PARP11: variants seen among roughly 807,000 people sequenced by gnomAD.
PARP11 encodes protein mono-ADP-ribosyltransferase PARP11.
In PARP11, 31 loss-of-function variants were observed where a neutral mutation model predicts 42.9. That is an observed-to-expected ratio of 0.72 (90% CI 0.54 to 0.98). PARP11 has a LOEUF of 0.98. Ranked by LOEUF, PARP11 falls within the 50% of genes least tolerant of loss-of-function variation. The pLI is 0.00. For missense variants in PARP11, 365 were observed against 413.1 expected, an observed-to-expected ratio of 0.88 and a Z score of 1.01; for synonymous variants, 137 against 127.3, an observed-to-expected ratio of 1.08 and a Z score of -0.51.
At chr12:3,815,603 G>C (rs917046441) in intron 6 of PARP11, among the ~76,000 whole-genome samples, 15 of 152,082 alleles carry the variant, frequency 9.9e-5, no homozygotes, top group African/African-American at 3.6e-4. Context: ...GCATGAAATA[G>C]CAACAGTCCA....
At chr12:3,829,231 C>T (rs532717692) in intron 2 of PARP11, among the ~76,000 whole-genome samples, 18 of 152,280 alleles carry the variant, frequency 1.2e-4, no homozygotes, top group Admixed American at 7.2e-4. Flanking sequence ...AGTGAAGAGA[C>T]AACTGGTTAT....
intron 1 of PARP11, among the ~76,000 whole-genome samples, chr12:3,865,126 A>G (rs187215577): frequency 2.6e-5 from 4 of 152,128 alleles, no homozygotes; most frequent in African/African-American, 7.2e-5. Context: ...GTTACCTTAA[A>G]GTGTTATTTA....
chr12:3,850,789 G>A (rs1948083336), intron 1 of PARP11, among the ~76,000 whole-genome samples: 1 of 152,202 alleles, frequency 6.6e-6, no homozygotes, highest in African/African-American at 2.4e-5. Context: ...AGCTGTTATA[G>A]CAACTGGACA....
chr12:3,873,163 C>T, intron 1 of PARP11, 49 bp downstream of exon 1: 1 of 1,438,862 alleles, frequency 6.9e-7, no homozygotes, highest in African/African-American at 1.4e-5. Flanking sequence ...CCGCCCCTCT[C>T]TCATCAACCC....
intron 1 of PARP11, among the ~76,000 whole-genome samples, chr12:3,843,593 T>C (rs754430679): frequency 5.3e-5 from 8 of 152,234 alleles, no homozygotes; most frequent in Non-Finnish European, 1.0e-4. Flanking sequence ...TAGAGGATGC[T>C]GCTAGAAAAT....
intron 3 of PARP11, among the ~76,000 whole-genome samples, chr12:3,828,373 G>A (rs529714485): frequency 4.0e-5 from 6 of 151,718 alleles, no homozygotes; most frequent in African/African-American, 1.2e-4. Flanking sequence ...ATGATGAAAC[G>A]CTGTCTCTAC....
intron 1 of PARP11, among the ~76,000 whole-genome samples, chr12:3,857,276 T>C (rs979905199): frequency 6.6e-6 from 1 of 151,810 alleles, no homozygotes; most frequent in Non-Finnish European, 1.5e-5. Flanking sequence ...TAAAGTATAA[T>C]AATAATAATA....
At chr12:3,866,493 T>C (rs955023584) in intron 1 of PARP11, among the ~76,000 whole-genome samples, 2 of 152,180 alleles carry the variant, frequency 1.3e-5, no homozygotes, top group South Asian at 2.1e-4. Flanking sequence ...TTTTGAAAAG[T>C]TGAAATGTAA....
intron 3 of PARP11, among the ~76,000 whole-genome samples, chr12:3,827,762 G>A (rs908770290): frequency 6.6e-6 from 1 of 152,072 alleles, no homozygotes; most frequent in African/African-American, 2.4e-5. Flanking sequence ...CACTGTTTCT[G>A]GGCCTTGGTT....
At chr12:3,819,735 C>T (rs780317526) in intron 6 of PARP11, among the ~76,000 whole-genome samples, 1 of 152,190 alleles carries the variant, frequency 6.6e-6, no homozygotes, top group African/African-American at 2.4e-5. Context: ...GTCTAGCCCC[C>T]GCTAACTCTC....
intron 1 of PARP11, chr12:3,872,866 C>T (rs1948516012): frequency 1.1e-6 from 1 of 929,558 alleles, no homozygotes; most frequent in African/African-American, 1.8e-5. Flanking sequence ...ACGGAGGTTG[C>T]GGTGGGCCGA....
In PARP11 at chr12:3,841,358, TG is replaced by T. The variant is rs1947886222; in HGVS notation, c.19-11341del. ...CTGTACCCTCTGCACCAGGCCTACC[TG>T]GCAGCCTGCAGGATGTACCCAAAGG... On this transcript the variant is annotated intron_variant, in intron 1 of 7. Coordinates refer to ENST00000228820, the MANE Select transcript of PARP11 (RefSeq NM_020367.6). The T allele has an allele frequency of 2.3e-6, 3 of 1,292,974 alleles. No homozygotes were observed. In the South Asian group the frequency reaches 3.6e-5, roughly 15 times the overall value. 80.1% of individuals were successfully genotyped at this position (1,292,974 alleles called of 1,614,324 possible). A position where few individuals can be genotyped will look rare whatever the true frequency, so the allele number is the denominator to read the frequency against.
chr12:3,841,878 T>C (rs772924037), intron 1 of PARP11: 2 of 1,608,658 alleles, frequency 1.2e-6, no homozygotes, highest in Non-Finnish European at 1.7e-6. Flanking sequence ...TGTCTAAAGA[T>C]TGTGGTTCAG....
intron 4 of PARP11, chr12:3,824,710 G>T (rs1947479121): frequency 1.4e-6 from 1 of 694,368 alleles, no homozygotes; most frequent in Non-Finnish European, 1.8e-6. Context: ...TCCCATCACA[G>T]TGTTTCTTGT....
rs1226702600 is a variant in PARP11, at chr12:3,873,121, G to C, written c.18+91C>G. 8.2e-6 allele frequency: 10 copies of C among 1,221,314 alleles called. 1 individual carries two copies. Among genetic ancestry groups the C allele is most frequent in the East Asian group, 5.1e-5 (2 of 39,484 alleles). The allele number at this position is 1,221,314 out of a possible 1,614,324, so 75.7% of individuals were successfully genotyped here. ...CGGAACTCAACACCCAGACTGAAGC[G>C]AGCGCGGGGAAGCAGTTCCGGTGAC... On this transcript the variant is annotated intron_variant, in intron 1 of 7. Transcript: ENST00000228820.
intron 1 of PARP11, among the ~76,000 whole-genome samples, chr12:3,834,413 A>C (rs1947713836): frequency 6.6e-6 from 1 of 152,076 alleles, no homozygotes; most frequent in African/African-American, 2.4e-5. Context: ...TGGGCAGATC[A>C]CCTGAGGCCA....
chr12:3,815,601 T>C (rs186266323), intron 6 of PARP11, among the ~76,000 whole-genome samples: 27 of 152,322 alleles, frequency 1.8e-4, no homozygotes, highest in African/African-American at 6.0e-4. Flanking sequence ...TGGCATGAAA[T>C]AGCAACAGTC....
chr12:3,815,171 A>G (rs1341062664), intron 6 of PARP11: 6 of 427,372 alleles, frequency 1.4e-5, no homozygotes, highest in South Asian at 6.6e-5. Flanking sequence ...CATAAAAATC[A>G]TATTTTAAAA....
In PARP11 at chr12:3,840,519, G is replaced by A. The variant is rs1175958225; in HGVS notation, c.19-10501C>T. The A allele has an allele frequency of 1.9e-6, 3 of 1,611,962 alleles. No individual in the cohort carries two copies. The African/African-American group carries it at 4.0e-5, about 22-fold the overall frequency. On this transcript the variant is annotated intron_variant, in intron 1 of 7. Coordinates refer to ENST00000228820, the MANE Select transcript of PARP11 (RefSeq NM_020367.6). This position sits in a 1 kb window ranked among gnomAD's most constrained non-coding sequence, Gnocchi z 4.4. Reference sequence around the variant, plus strand: ...CACAGTCTCAGAAATTCTCCAGTGAGCACAAAAATCTTAGCCGGACACCTT... The same window carrying A: ...CACAGTCTCAGAAATTCTCCAGTGAACACAAAAATCTTAGCCGGACACCTT...
Sources: allele counts gnomAD v4.1 joint callset (sites outside exome capture counted in the v4.1 genomes callset), GRCh38; gene constraint gnomAD v4.1.1; non-coding constraint Gnocchi (gnomAD v3.1); transcripts MANE v1.5; gene names NCBI Gene and HGNC (gene_info 2026-07-23, HGNC 2026-07-21).